GABBR2: variants seen among roughly 807,000 people sequenced by gnomAD.
The protein encoded by GABBR2 is G-protein coupled receptor 51.
GABBR2 carries 23 observed loss-of-function variants against 105.6 expected under a neutral mutation model. The observed-to-expected ratio is 0.22, with a 90% CI of 0.16 to 0.31. The LOEUF is 0.31. GABBR2 is among the 10% of genes least tolerant of loss of function. GABBR2 has a pLI of 1.00. For synonymous variants in GABBR2, 478 were observed against 499.7 expected (o/e 0.96, Z 0.58); for missense variants, 734 against 1,245.5 (o/e 0.59, Z 6.18).
intron 1 of GABBR2, among the ~76,000 whole-genome samples, chr9:98,617,876 TGA>T (rs1829610681): frequency 2.0e-5 from 3 of 152,152 alleles, no homozygotes; most frequent in Non-Finnish European, 4.4e-5. Context: ...CTGCACCCAG[TGA>T]TGCCCCCACT....
At chr9:98,336,874 A>G (rs1278167351) in intron 13 of GABBR2, among the ~76,000 whole-genome samples, 2 of 152,252 alleles carry the variant, frequency 1.3e-5, no homozygotes, top group Non-Finnish European at 2.9e-5. Context: ...ATTCAAAGAT[A>G]TAAGTAGGTT....
chr9:98,696,651 G>T (rs568963575), intron 1 of GABBR2, among the ~76,000 whole-genome samples: 1 of 152,324 alleles, frequency 6.6e-6, no homozygotes, highest in South Asian at 2.1e-4. Flanking sequence ...CCAAGTAGGT[G>T]CTTAGCAAGT....
chr9:98,540,497 G>A (rs992301808), intron 3 of GABBR2, among the ~76,000 whole-genome samples: 2 of 152,176 alleles, frequency 1.3e-5, no homozygotes, highest in Admixed American at 6.5e-5. Context: ...GAGACAGGGG[G>A]CAAGAACCTC....
At chr9:98,420,015 G>C (rs1239948366) in intron 7 of GABBR2, among the ~76,000 whole-genome samples, 1 of 152,114 alleles carries the variant, frequency 6.6e-6, no homozygotes, top group African/African-American at 2.4e-5. Flanking sequence ...CAGGTTGTAC[G>C]TAAGATGCTG....
intron 6 of GABBR2, among the ~76,000 whole-genome samples, chr9:98,468,419 C>A (rs554482793): frequency 3.3e-5 from 5 of 152,154 alleles, no homozygotes; most frequent in Non-Finnish European, 7.4e-5. Context: ...ACAAATACAA[C>A]CTGTGCAGGG....
At chr9:98,319,929 TG>T (rs1830789458) in intron 13 of GABBR2, among the ~76,000 whole-genome samples, 1 of 152,164 alleles carries the variant, frequency 6.6e-6, no homozygotes, top group Non-Finnish European at 1.5e-5. Context: ...AAGGACTTCA[TG>T]TCTAAAACAC....
rs114202378 is a variant in GABBR2 at position 98,655,288 on chromosome 9, A to C, written c.321+53129T>G. Among the ~76,000 whole-genome samples the C allele has an allele frequency of 7.4e-3, 1,127 of 152,252 alleles. 16 individuals are homozygous for C. Among genetic ancestry groups the C allele is most frequent in the African/African-American group, 0.026 (1,069 of 41,546 alleles). ...TGTACCACTCTGGTGGGGGATGTCG[A>C]TAATGGGGGATGCTGTTCATGTGTG... On this transcript the variant is annotated intron_variant, in intron 1 of 18. Transcript: ENST00000259455.
At chr9:98,700,157 G>C (rs1158161040) in intron 1 of GABBR2, among the ~76,000 whole-genome samples, 5 of 152,132 alleles carry the variant, frequency 3.3e-5, no homozygotes, top group African/African-American at 1.2e-4. Context: ...AGCTCCTCAA[G>C]GGCAGGATCT....
At chr9:98,708,255 G>T (rs1830927609) in intron 1 of GABBR2, among the ~76,000 whole-genome samples, 162 bp downstream of exon 1, 1 of 150,412 alleles carries the variant, frequency 6.6e-6, no homozygotes, top group South Asian at 2.2e-4. Flanking sequence ...GCCAAGCCCA[G>T]CAGGACCGCG....
intron 13 of GABBR2, among the ~76,000 whole-genome samples, chr9:98,355,318 A>T (rs141180000): frequency 2.9e-4 from 44 of 152,302 alleles, no homozygotes; most frequent in South Asian, 6.2e-4. Flanking sequence ...AGTAAACGCT[A>T]TCAGAAAAAA....
At chr9:98,692,072 A>G (rs1830688864) in intron 1 of GABBR2, among the ~76,000 whole-genome samples, 1 of 152,192 alleles carries the variant, frequency 6.6e-6, no homozygotes, top group Non-Finnish European at 1.5e-5. Flanking sequence ...ACCCCATTGT[A>G]CAGAGAAGAA....
intron 7 of GABBR2, among the ~76,000 whole-genome samples, chr9:98,447,965 T>A (rs1325671896): frequency 6.6e-6 from 1 of 152,114 alleles, no homozygotes; most frequent in African/African-American, 2.4e-5. Flanking sequence ...AATGGATCAA[T>A]ACACTCTGCA....
intron 3 of GABBR2, among the ~76,000 whole-genome samples, chr9:98,499,521 T>C (rs1440964245): frequency 6.6e-6 from 1 of 152,210 alleles, no homozygotes; most frequent in Non-Finnish European, 1.5e-5. Context: ...CTCAAGTATT[T>C]ATCCTAATGG....
chr9:98,381,688 C>G (rs971753838), intron 11 of GABBR2, among the ~76,000 whole-genome samples: 5 of 152,330 alleles, frequency 3.3e-5, no homozygotes, highest in Middle Eastern at 3.4e-3. Context: ...GCTTCTAAAA[C>G]AGCCTTGACT....
chr9:98,484,682 G>A (rs1009658189), intron 4 of GABBR2, among the ~76,000 whole-genome samples: 19 of 152,182 alleles, frequency 1.2e-4, no homozygotes, highest in Admixed American at 2.0e-4. Context: ...CCCGAGTGTA[G>A]GAAGTGCAGA....
intron 13 of GABBR2, among the ~76,000 whole-genome samples, chr9:98,357,685 A>AC (rs1341450429): frequency 1.3e-4 from 20 of 152,090 alleles, no homozygotes; most frequent in African/African-American, 3.6e-4. Context: ...CAACAACAAA[A>AC]AAAAAAACCC....
chr9:98,576,053 C>T (rs1354932986), intron 2 of GABBR2, among the ~76,000 whole-genome samples: 2 of 152,202 alleles, frequency 1.3e-5, no homozygotes, highest in African/African-American at 2.4e-5. Context: ...GGCCCTCGCC[C>T]GGGCCCCACC....
At chr9:98,690,893 C>T (rs76427597) in intron 1 of GABBR2, among the ~76,000 whole-genome samples, 4,071 of 152,330 alleles carry the variant, frequency 0.027, 165 homozygotes, top group African/African-American at 0.093. Context: ...CAGCACCAGC[C>T]TTCTGCCCTG....
chr9:98,294,770 G>A (rs1054692411), intron 17 of GABBR2, among the ~76,000 whole-genome samples: 2 of 152,226 alleles, frequency 1.3e-5, no homozygotes, highest in East Asian at 1.9e-4. Context: ...GAGCCGCTGC[G>A]CCCAGCCACA....
Sources: gnomAD v4.1 joint callset for allele counts (sites outside exome capture counted in the v4.1 genomes callset) on GRCh38, gnomAD v4.1.1 for gene constraint, MANE v1.5 for transcripts, NCBI Gene and HGNC (gene_info 2026-07-23, HGNC 2026-07-21) for gene names.